Variants in IGF1 observed in about 807,000 individuals in gnomAD.
IGF1 encodes insulin-like growth factor 1.
IGF1 carries 4 observed loss-of-function variants against 13.8 expected under a neutral mutation model. That is an observed-to-expected ratio of 0.29 (90% CI 0.14 to 0.66). The LOEUF is 0.66. IGF1 is among the 30% of genes least tolerant of loss of function. The pLI is 0.78. For synonymous variants in IGF1, 76 were observed against 72.6 expected (o/e 1.05, Z -0.23); for missense variants, 124 against 188.5 (o/e 0.66, Z 2.00).
At position 102,448,689 on chromosome 12, in the gene IGF1, T is replaced by TA. The variant is rs58794507; in HGVS notation, c.220+26953dup. Reference sequence around the variant, plus strand: ...ATGTACCCTAAAACTTAGAGTATAATAAAAAAAAAAAAAAAAAAAAAAAAA... The same window carrying TA: ...ATGTACCCTAAAACTTAGAGTATAATAAAAAAAAAAAAAAAAAAAAAAAAAA... On this transcript the variant is annotated intron_variant, in intron 2 of 3. Transcript: ENST00000337514. Among the ~76,000 whole-genome samples, 413 of 110,242 alleles carry TA rather than the reference T, an allele frequency of 3.7e-3. 7 individuals carry two copies. Among genetic ancestry groups the TA allele is most frequent in the African/African-American group, 8.0e-3 (245 of 30,498 alleles). 72.3% of individuals were successfully genotyped at this position (110,242 alleles called of 152,430 possible). A position where few individuals can be genotyped will look rare whatever the true frequency, so the allele number is the denominator to read the frequency against.
intron 1 of IGF1, chr12:102,478,426 C>A (rs1881205004): frequency 8.4e-7 from 1 of 1,184,738 alleles, no homozygotes; most frequent in Non-Finnish European, 1.2e-6. Flanking sequence ...TTCCAGATGT[C>A]TGGGCCACAA....
intron 3 of IGF1, among the ~76,000 whole-genome samples, chr12:102,407,094 CAAAAAAA>C (rs57468885): frequency 2.5e-4 from 25 of 100,952 alleles, no homozygotes; most frequent in African/African-American, 1.1e-3. Context: ...ACTCTGTCTC[CAAAAAAA>C]AAAAAAAAAA....
chr12:102,467,951 G>A lies in IGF1; in HGVS notation c.220+7692C>T, dbSNP rs79703478. ...TCATTTTCATGTACATGAATGTATG[G>A]GGTAAAAGTGCAGTTTTGATACATG... On this transcript the variant is annotated intron_variant, in intron 2 of 3. Transcript: ENST00000337514. Among the ~76,000 whole-genome samples the A allele has an allele frequency of 0.026, 3,966 of 152,210 alleles. 290 individuals are homozygous for A. The East Asian group carries it at 0.27, about 10-fold the overall frequency.
intron 2 of IGF1, among the ~76,000 whole-genome samples, chr12:102,439,101 A>C (rs1877484781): frequency 6.6e-6 from 1 of 152,226 alleles, no homozygotes; most frequent in Non-Finnish European, 1.5e-5. Flanking sequence ...TAAGGAGTAC[A>C]TTTTGTACAC....
chr12:102,428,236 G>GTATATA lies in IGF1; in HGVS notation c.221-8552_221-8547dup, dbSNP rs56947594. Among the ~76,000 whole-genome samples the GTATATA allele has an allele frequency of 5.1e-3, 352 of 69,578 alleles. 78 individuals are homozygous for GTATATA. The highest frequency in any genetic ancestry group is 9.1e-3 in the Non-Finnish European group (278 of 30,532). The allele number at this position is 69,578 out of a possible 152,430, so 45.6% of individuals were successfully genotyped here. A position where few individuals can be genotyped will look rare whatever the true frequency, so the allele number is the denominator to read the frequency against. ...CGACCCACTTTGTAATCAATAATGT[G>GTATATA]TATATATATATATGGCATATTAATG... On this transcript the variant is annotated intron_variant, in intron 2 of 3. Transcript: ENST00000337514.
In IGF1 at chr12:102,402,553, T is replaced by C. The variant is rs1873775453; in HGVS notation, c.416A>G (p.Lys139Arg). 3 of 780,728 alleles carry C rather than the reference T, an allele frequency of 3.8e-6. No individual in the cohort carries two copies. In the South Asian group the frequency reaches 4.0e-5, roughly 10 times the overall value. The allele number at this position is 780,728 out of a possible 1,614,324, so 48.4% of individuals were successfully genotyped here. ...MPKTQKEVHLKNASRGSAGNK... is the reference protein window; with the variant it reads ...MPKTQKEVHLRNASRGSAGNK... ...TCCTGCACTCCCTCTACTTGCGTTC[T>C]TCAAATGTACTTCCTATAAATAAAG... The change falls in exon 4 of 4, where the codon AAG (lysine) becomes AGG (arginine). Residue 139 changes from lysine to arginine, a missense_variant. Physicochemically the swap from Lys to Arg is conservative, Grantham distance 26 (BLOSUM62 2). Around this residue, in one of 2 missense-constraint regions of IGF1, gnomAD observed 25 missense variants for 17.1 expected, o/e 1.47. Transcript: ENST00000337514.
At chr12:102,408,444 A>G (rs1874358298) in intron 3 of IGF1, among the ~76,000 whole-genome samples, 1 of 152,224 alleles carries the variant, frequency 6.6e-6, no homozygotes, top group Admixed American at 6.5e-5. Flanking sequence ...CTTCAAAACC[A>G]AAGAACAAGG....
chr12:102,431,907 T>TCTTA (rs1876774911), intron 2 of IGF1, among the ~76,000 whole-genome samples: 1 of 152,188 alleles, frequency 6.6e-6, no homozygotes, highest in Non-Finnish European at 1.5e-5. Context: ...CATGCTCACA[T>TCTTA]CTTACCCAGT....
intron 3 of IGF1, among the ~76,000 whole-genome samples, chr12:102,408,558 GT>G (rs937423269): frequency 1.3e-5 from 2 of 152,056 alleles, no homozygotes; most frequent in Non-Finnish European, 2.9e-5. Flanking sequence ...CCAGCATCAC[GT>G]TTTTTTCTGG....
chr12:102,454,225 T>A lies in IGF1; in HGVS notation c.220+21418A>T, dbSNP rs912361171. Among the ~76,000 whole-genome samples, 9 of 152,242 alleles carry A rather than the reference T, an allele frequency of 5.9e-5. No homozygotes were observed. The East Asian group carries it at 1.7e-3, about 29-fold the overall frequency. ...TACAAGGCCTACCTTAAACACATGA[T>A]GTGACTTCCAGAGAAACATGAGTAC... On this transcript the variant is annotated intron_variant, in intron 2 of 3. Coordinates refer to ENST00000337514, the MANE Select transcript of IGF1 (RefSeq NM_000618.5).
At chr12:102,429,194 G>A (rs1876512995) in intron 2 of IGF1, among the ~76,000 whole-genome samples, 1 of 151,852 alleles carries the variant, frequency 6.6e-6, no homozygotes, top group African/African-American at 2.4e-5. Context: ...CATTATTTCA[G>A]GAATTTCAGA....
intron 3 of IGF1, chr12:102,415,560 T>TTCCTTCCC: frequency 7.3e-6 from 1 of 137,666 alleles, no homozygotes; most frequent in Non-Finnish European, 1.6e-5. Flanking sequence ...CCTTCCTTCC[T>TTCCTTCCC]TCCTTCCTTC....
intron 2 of IGF1, among the ~76,000 whole-genome samples, chr12:102,459,244 T>C (rs990060833): frequency 6.6e-6 from 1 of 152,174 alleles, no homozygotes; most frequent in Non-Finnish European, 1.5e-5. Flanking sequence ...TAAAATGCCT[T>C]ACTGTCAAAT....
At chr12:102,456,452 T>C (rs1879412604) in intron 2 of IGF1, among the ~76,000 whole-genome samples, 1 of 152,168 alleles carries the variant, frequency 6.6e-6, no homozygotes, top group Non-Finnish European at 1.5e-5. Flanking sequence ...CAGAAGTTTT[T>C]CCCTCATTTC....
chr12:102,472,418 T>A (rs1880745131), intron 2 of IGF1, among the ~76,000 whole-genome samples: 1 of 151,246 alleles, frequency 6.6e-6, no homozygotes, highest in South Asian at 2.1e-4. Context: ...CTAATAGAGT[T>A]AAAAAAAAAC....
At chr12:102,453,154 C>T (rs1457295540) in intron 2 of IGF1, among the ~76,000 whole-genome samples, 5 of 152,162 alleles carry the variant, frequency 3.3e-5, no homozygotes, top group Non-Finnish European at 7.3e-5. Context: ...AGAAGCACTG[C>T]TGCCATTAGC....
intron 2 of IGF1, among the ~76,000 whole-genome samples, chr12:102,448,605 G>T (rs1878575304): frequency 6.8e-6 from 1 of 147,702 alleles, no homozygotes; most frequent in Non-Finnish European, 1.5e-5. Context: ...CACATTAGTG[G>T]GTGCAGCGTA....
chr12:102,457,288 A>G (rs1879495612), intron 2 of IGF1, among the ~76,000 whole-genome samples: 1 of 152,200 alleles, frequency 6.6e-6, no homozygotes, highest in Non-Finnish European at 1.5e-5. Context: ...CCTCATGCTA[A>G]AAGAAAAGCA....
chr12:102,459,238 A>G (rs1419963152), intron 2 of IGF1, among the ~76,000 whole-genome samples: 2 of 152,188 alleles, frequency 1.3e-5, no homozygotes, highest in African/African-American at 4.8e-5. Flanking sequence ...CTTACGTAAA[A>G]TGCCTTACTG....
Sources: allele counts gnomAD v4.1 joint callset (sites outside exome capture counted in the v4.1 genomes callset), GRCh38; gene constraint gnomAD v4.1.1; regional missense constraint gnomAD v4.1.1; transcripts MANE v1.5; gene names NCBI Gene and HGNC (gene_info 2026-07-23, HGNC 2026-07-21).